TENT5D: variants seen among roughly 807,000 people sequenced by gnomAD.
The protein encoded by TENT5D is cancer/testis antigen 112.
For missense variants in TENT5D, 191 were observed against 287.0 expected, an observed-to-expected ratio of 0.67 and a Z score of 2.42; for synonymous variants, 103 against 100.6, an observed-to-expected ratio of 1.02 and a Z score of -0.15.
At chrX:80,442,904 C>T (rs1287697168) in exon 3 of TENT5D, 2 of 1,210,922 alleles carry the variant, frequency 1.7e-6, no homozygotes, top group East Asian at 3.0e-5. Flanking sequence ...GAAAAGCTCT[C>T]CCCAGATATC....
At chrX:80,377,759 G>A (rs1236815826) in intron 3 of TENT5D, among the ~76,000 whole-genome samples, 1 of 111,561 alleles carries the variant, frequency 9.0e-6, no homozygotes, top group African/African-American at 3.3e-5. Flanking sequence ...CCAGTAATGG[G>A]GTCCCTGGGT....
chrX:80,394,744 C>T (rs1421579743), intron 3 of TENT5D, among the ~76,000 whole-genome samples: 2 of 110,992 alleles, frequency 1.8e-5, no homozygotes, highest in Non-Finnish European at 3.8e-5. Flanking sequence ...TTAATTAACA[C>T]ATAATAATTG....
At chrX:80,388,072 G>A (rs1197233658) in intron 3 of TENT5D, among the ~76,000 whole-genome samples, 1 of 110,424 alleles carries the variant, frequency 9.1e-6, no homozygotes, top group Admixed American at 9.7e-5. Flanking sequence ...AGGGCCAAGG[G>A]CTCTTCATTC....
intron 3 of TENT5D, among the ~76,000 whole-genome samples, chrX:80,408,258 G>C (rs1285562280): frequency 1.9e-5 from 2 of 104,433 alleles, no homozygotes. Flanking sequence ...AATCAGAGCA[G>C]AACTGAAGGA....
At chrX:80,359,164 G>A (rs753290214) in intron 3 of TENT5D, among the ~76,000 whole-genome samples, 2 of 112,022 alleles carry the variant, frequency 1.8e-5, no homozygotes, top group African/African-American at 6.5e-5. Context: ...ACAGATTCTG[G>A]AGAGGATGTG....
chrX:80,358,859 A>G (rs1930344542), intron 3 of TENT5D, among the ~76,000 whole-genome samples: 1 of 112,040 alleles, frequency 8.9e-6, no homozygotes, highest in Non-Finnish European at 1.9e-5. Context: ...AGTAGAAGAA[A>G]ATAGTGTTGA....
intron 3 of TENT5D, among the ~76,000 whole-genome samples, chrX:80,405,511 G>A (rs1346071582): frequency 8.9e-6 from 1 of 112,358 alleles, no homozygotes; most frequent in Non-Finnish European, 1.9e-5. Context: ...CTGGAAAATC[G>A]GGTCACTCCC....
intron 3 of TENT5D, among the ~76,000 whole-genome samples, chrX:80,366,208 A>AGTGTGTGT (rs3087109): frequency 0.099 from 9,686 of 98,265 alleles, 488 homozygotes; most frequent in African/African-American, 0.18. Context: ...GAAGACAGGG[A>AGTGTGTGT]GTGTGTGTGT....
intron 3 of TENT5D, among the ~76,000 whole-genome samples, chrX:80,379,300 A>G (rs761996848): frequency 4.6e-5 from 5 of 108,473 alleles, no homozygotes; most frequent in Admixed American, 9.8e-5. Context: ...GATTAAGCCA[A>G]CTTGATCTTG....
chrX:80,343,467 G>A (rs1347330586), intron 3 of TENT5D, among the ~76,000 whole-genome samples: 2 of 102,191 alleles, frequency 2.0e-5, no homozygotes, highest in Non-Finnish European at 3.9e-5. Context: ...GCACGATCTC[G>A]GCTCACCGCA....
At chrX:80,410,849 G>A (rs1325231473) in intron 3 of TENT5D, among the ~76,000 whole-genome samples, 1 of 107,020 alleles carries the variant, frequency 9.3e-6, no homozygotes, top group East Asian at 3.0e-4. Flanking sequence ...CAACCCAAAT[G>A]TCCAACAATG....
chrX:80,358,627 A>T (rs973574632), intron 3 of TENT5D, among the ~76,000 whole-genome samples: 5 of 111,922 alleles, frequency 4.5e-5, no homozygotes, highest in Non-Finnish European at 9.4e-5. Flanking sequence ...ATATAATATC[A>T]TCGTACAAAT....
chrX:80,356,525 C>T (rs1247884053), intron 3 of TENT5D, among the ~76,000 whole-genome samples: 1 of 111,199 alleles, frequency 9.0e-6, no homozygotes, highest in Non-Finnish European at 1.9e-5. Flanking sequence ...AGTTAGTTGA[C>T]TGATCTTATA....
At chrX:80,443,788 ATC>A in exon 3 of TENT5D, 2 of 883,617 alleles carry the variant, frequency 2.3e-6, no homozygotes, top group Non-Finnish European at 1.5e-6. Flanking sequence ...AAAATTCAAG[ATC>A]TGTTTTTATT....
intron 1 of TENT5D, among the ~76,000 whole-genome samples, chrX:80,437,495 A>C (rs763986234): frequency 7.2e-5 from 8 of 111,677 alleles, no homozygotes; most frequent in Non-Finnish European, 1.1e-4. Flanking sequence ...GAAGTATACT[A>C]TTCAGGGTAT....
chrX:80,357,206 G>T (rs1930302394), intron 3 of TENT5D, among the ~76,000 whole-genome samples: 1 of 111,943 alleles, frequency 8.9e-6, no homozygotes, highest in African/African-American at 3.3e-5. Context: ...ATTGTGAATA[G>T]CACTGCAATA....
intron 3 of TENT5D, among the ~76,000 whole-genome samples, chrX:80,388,673 C>A (rs771328494): frequency 4.5e-5 from 5 of 111,692 alleles, no homozygotes; most frequent in Non-Finnish European, 9.4e-5. Flanking sequence ...AGGAACAAGT[C>A]TCTCCAAGAA....
intron 3 of TENT5D, among the ~76,000 whole-genome samples, chrX:80,350,067 T>C (rs1011607442): frequency 5.4e-5 from 6 of 111,576 alleles, no homozygotes; most frequent in Non-Finnish European, 1.1e-4. Context: ...TTACTTCCAA[T>C]TATGTGGACG....
chrX:80,361,587 C>T (rs1930406156), intron 3 of TENT5D, among the ~76,000 whole-genome samples: 2 of 111,437 alleles, frequency 1.8e-5, no homozygotes, highest in Non-Finnish European at 3.8e-5. Context: ...GTGGAATTAT[C>T]TCTCTTTATA....
Sources: allele counts gnomAD v4.1 joint callset (sites outside exome capture counted in the v4.1 genomes callset), GRCh38; gene constraint gnomAD v4.1.1; transcripts MANE v1.5; gene names NCBI Gene and HGNC (gene_info 2026-07-23, HGNC 2026-07-21).